The following GRM8 variants were observed in gnomAD, a reference collection of about 807,000 sequenced individuals.
The protein encoded by GRM8 is metabotropic glutamate receptor 8.
In GRM8, 47 loss-of-function variants were observed where a neutral mutation model predicts 87.2. The ratio of observed to expected loss-of-function variants is 0.54; its 90% CI spans 0.43 to 0.69. The LOEUF (loss-of-function observed/expected upper bound fraction) is 0.69, where lower values mean the gene tolerates loss of function less well. Ranked by LOEUF, GRM8 falls within the 30% of genes least tolerant of loss-of-function variation. GRM8 has a pLI of 0.00. For synonymous variants in GRM8, 396 were observed against 404.5 expected (o/e 0.98, Z 0.25); for missense variants, 1,019 against 1,139.2 (o/e 0.89, Z 1.52).
intron 2 of GRM8, among the ~76,000 whole-genome samples, chr7:127,164,550 T>G (rs1306899715): frequency 2.0e-5 from 3 of 152,176 alleles, no homozygotes; most frequent in African/African-American, 7.2e-5. Flanking sequence ...TTAAATTCTT[T>G]TGAAACTTGA....
At chr7:127,062,141 C>CAAAAA (rs5887324) in intron 3 of GRM8, among the ~76,000 whole-genome samples, 1 of 134,944 alleles carries the variant, frequency 7.4e-6, no homozygotes. Flanking sequence ...AAGACTCCAT[C>CAAAAA]AAAAAAAAAA....
At chr7:126,531,522 C>A (rs150649848) in intron 9 of GRM8, among the ~76,000 whole-genome samples, 1 of 152,340 alleles carries the variant, frequency 6.6e-6, no homozygotes, top group Non-Finnish European at 1.5e-5. Context: ...CTCAGCAACA[C>A]AGGGCAACCT....
At chr7:126,807,543 G>C (rs1168213614) in intron 6 of GRM8, among the ~76,000 whole-genome samples, 1 of 152,022 alleles carries the variant, frequency 6.6e-6, no homozygotes, top group Non-Finnish European at 1.5e-5. Flanking sequence ...TAGTCCTTCA[G>C]TTGCCTCCTT....
intron 3 of GRM8, among the ~76,000 whole-genome samples, chr7:126,983,118 C>A (rs760892495): frequency 6.6e-6 from 1 of 152,138 alleles, no homozygotes; most frequent in African/African-American, 2.4e-5. Flanking sequence ...GTCCAGGTGG[C>A]AATCTTAACT....
At chr7:126,476,731 A>C (rs1805953451) in intron 9 of GRM8, among the ~76,000 whole-genome samples, 1 of 152,172 alleles carries the variant, frequency 6.6e-6, no homozygotes, top group Non-Finnish European at 1.5e-5. Context: ...TATTATCCAA[A>C]AGAAAAAAAT....
chr7:127,079,028 A>G (rs1822574547), intron 3 of GRM8, among the ~76,000 whole-genome samples: 1 of 152,246 alleles, frequency 6.6e-6, no homozygotes, highest in Admixed American at 6.5e-5. Context: ...AGATACTGTT[A>G]CATCAAGCCA....
intron 3 of GRM8, among the ~76,000 whole-genome samples, chr7:126,986,868 T>G (rs1812125954): frequency 6.6e-6 from 1 of 152,216 alleles, no homozygotes; most frequent in Non-Finnish European, 1.5e-5. Context: ...TAACAAACAT[T>G]GATATAGCAC....
At chr7:126,987,636 AT>A (rs1292069543) in intron 3 of GRM8, among the ~76,000 whole-genome samples, 2 of 150,826 alleles carry the variant, frequency 1.3e-5, no homozygotes, top group African/African-American at 2.4e-5. Flanking sequence ...AATTTTTTGT[AT>A]TTTTTTTAGT....
At chr7:126,854,225 G>A (rs370382559) in intron 6 of GRM8, among the ~76,000 whole-genome samples, 1 of 152,264 alleles carries the variant, frequency 6.6e-6, no homozygotes. Flanking sequence ...TCCGCCAGTG[G>A]AATAAAGCCA....
chr7:127,124,614 T>C (rs537743753), intron 2 of GRM8, among the ~76,000 whole-genome samples: 1 of 152,272 alleles, frequency 6.6e-6, no homozygotes, highest in South Asian at 2.1e-4. Flanking sequence ...CCCAAATTTA[T>C]CTCTGAAATA....
At chr7:126,687,802 C>G (rs1326504452) in intron 7 of GRM8, among the ~76,000 whole-genome samples, 2 of 151,670 alleles carry the variant, frequency 1.3e-5, no homozygotes, top group Admixed American at 6.6e-5. Flanking sequence ...ACAGATGTTG[C>G]TATCTTATCT....
intron 6 of GRM8, among the ~76,000 whole-genome samples, chr7:126,815,556 C>G (rs1018677403): frequency 2.0e-5 from 3 of 152,090 alleles, no homozygotes; most frequent in African/African-American, 7.2e-5. Context: ...ATGGTGGAAT[C>G]TGTGCCAATA....
At chr7:126,695,209 C>T (rs1809249333) in intron 7 of GRM8, among the ~76,000 whole-genome samples, 1 of 152,038 alleles carries the variant, frequency 6.6e-6, no homozygotes, top group Non-Finnish European at 1.5e-5. Context: ...TATATTAAAA[C>T]ATTTTTAAAG....
intron 8 of GRM8, among the ~76,000 whole-genome samples, chr7:126,560,614 TATATAATAA>T (rs1304112113): frequency 2.0e-5 from 3 of 152,172 alleles, no homozygotes; most frequent in Non-Finnish European, 4.4e-5. Context: ...AAATAGGCCT[TATATAATAA>T]ATACATTATT....
chr7:126,983,155 T>C (rs1236198317), intron 3 of GRM8, among the ~76,000 whole-genome samples: 2 of 152,070 alleles, frequency 1.3e-5, no homozygotes, highest in Non-Finnish European at 2.9e-5. Flanking sequence ...CATTGTTGTG[T>C]CTCCTGGTGT....
intron 7 of GRM8, among the ~76,000 whole-genome samples, chr7:126,751,297 A>AG (rs1816384907): frequency 6.6e-6 from 1 of 151,774 alleles, no homozygotes; most frequent in Non-Finnish European, 1.5e-5. Context: ...TCTTTTTTGA[A>AG]AAAAAAGAAA....
intron 6 of GRM8, among the ~76,000 whole-genome samples, chr7:126,816,256 A>G (rs1390644145): frequency 6.6e-6 from 1 of 152,134 alleles, no homozygotes; most frequent in Non-Finnish European, 1.5e-5. Context: ...GAGCATGTAT[A>G]GTATCTTTGC....
chr7:126,743,943 CTGA>C (rs1341346628), intron 7 of GRM8, among the ~76,000 whole-genome samples: 1 of 151,972 alleles, frequency 6.6e-6, no homozygotes, highest in African/African-American at 2.4e-5. Flanking sequence ...GGTAAAATCA[CTGA>C]TATTTTACAA....
chr7:126,930,201 T>C (rs558730036), intron 3 of GRM8, among the ~76,000 whole-genome samples: 4 of 152,286 alleles, frequency 2.6e-5, no homozygotes, highest in African/African-American at 9.6e-5. Flanking sequence ...CAAAACCCAG[T>C]TCCTATTTCC....
Sources: allele counts gnomAD v4.1 joint callset (sites outside exome capture counted in the v4.1 genomes callset), GRCh38; gene constraint gnomAD v4.1.1; transcripts MANE v1.5; gene names NCBI Gene and HGNC (gene_info 2026-07-23, HGNC 2026-07-21).